Variants in COL19A1 observed in about 807,000 individuals in gnomAD.
COL19A1 encodes collagen alpha-1(XIX) chain.
COL19A1 carries 159 observed loss-of-function variants against 190.2 expected under a neutral mutation model. The ratio of observed to expected loss-of-function variants is 0.84; its 90% CI spans 0.73 to 0.95. The LOEUF is 0.95. COL19A1 is among the 40% of genes least tolerant of loss of function. The probability of loss-of-function intolerance (pLI) is 0.00; values close to 1 mark genes in which losing one functional copy is unlikely to be tolerated. For missense variants in COL19A1, 1,418 were observed against 1,431.9 expected (o/e 0.99, Z 0.16); for synonymous variants, 509 against 458.9 (o/e 1.11, Z -1.39).
intron 36 of COL19A1, among the ~76,000 whole-genome samples, 159 bp downstream of exon 36, chr6:70,163,555 C>T (rs138556198): frequency 1.0e-3 from 153 of 152,126 alleles, no homozygotes; most frequent in African/African-American, 3.6e-3. Flanking sequence ...GAACACAGGT[C>T]CAAAGGTTAT....
intron 37 of COL19A1, among the ~76,000 whole-genome samples, chr6:70,167,408 T>C (rs1015950133): frequency 1.3e-5 from 2 of 152,210 alleles, no homozygotes; most frequent in African/African-American, 4.8e-5. Flanking sequence ...TTTTAAACTA[T>C]AGAATAAGTT....
intron 48 of COL19A1, among the ~76,000 whole-genome samples, chr6:70,195,148 T>TATAC (rs1767119663): frequency 6.8e-6 from 1 of 147,444 alleles, no homozygotes; most frequent in Admixed American, 6.8e-5. Flanking sequence ...TATATATATA[T>TATAC]ATATATATAT....
At chr6:70,098,284 C>T in intron 15 of COL19A1, 2 of 327,274 alleles carry the variant, frequency 6.1e-6, no homozygotes, top group South Asian at 6.0e-5. Context: ...AATACTCCCC[C>T]AAAGTATCCT....
At position 70,212,414 on chromosome 6, in the gene COL19A1, T is replaced by C. The variant is rs1396036183; in HGVS notation, c.*5140T>C. 6.6e-6 allele frequency among the ~76,000 whole-genome samples: 1 copy of C among 152,228 alleles called. No homozygotes were observed. The highest frequency in any genetic ancestry group is 1.9e-4 in the East Asian group (1 of 5,198). ...TTGATTCCTACATGTTCATTATGCA[T>C]AATGAGCTTGTCACCTATCTCAGCA... On this transcript the variant is annotated 3_prime_UTR_variant, in exon 51 of 51. Coordinates refer to ENST00000620364, the MANE Select transcript of COL19A1 (RefSeq NM_001858.6).
Position 70,209,202 on chromosome 6 carries a change from A to T in COL19A1, c.*1928A>T, listed in dbSNP as rs1477492418. ...GCTATGTGTATATCTTGAGCTTTTA[A>T]TTTGTTGAATTTTCTAAACGCTTAC... On this transcript the variant is annotated 3_prime_UTR_variant, in exon 51 of 51. Transcript: ENST00000620364. 1.3e-5 allele frequency: 2 copies of T among 152,582 alleles called. No homozygotes were observed. The highest frequency in any genetic ancestry group is 3.8e-4 in the East Asian group (2 of 5,198). The allele number at this position is 152,582 out of a possible 1,614,324, so 9.5% of individuals were successfully genotyped here.
chr6:69,995,521 GA>G (rs1465954903), intron 11 of COL19A1, among the ~76,000 whole-genome samples: 3 of 140,498 alleles, frequency 2.1e-5, no homozygotes, highest in African/African-American at 9.4e-5. Context: ...AAAACCGTGT[GA>G]TTTTTTTTTT....
At chr6:70,066,446 T>A (rs1235516362) in intron 14 of COL19A1, among the ~76,000 whole-genome samples, 3 of 150,610 alleles carry the variant, frequency 2.0e-5, no homozygotes, top group African/African-American at 7.3e-5. Flanking sequence ...TGGGTCCTGT[T>A]GTGGGGTGGG....
At chr6:70,158,872 A>T (rs1199647106) in intron 34 of COL19A1, among the ~76,000 whole-genome samples, 1 of 151,952 alleles carries the variant, frequency 6.6e-6, no homozygotes, top group East Asian at 1.9e-4. Context: ...TGACTGTCCT[A>T]CTCTTTAATA....
At chr6:70,052,964 A>T (rs1780290137) in intron 14 of COL19A1, among the ~76,000 whole-genome samples, 1 of 152,188 alleles carries the variant, frequency 6.6e-6, no homozygotes, top group African/African-American at 2.4e-5. Context: ...ATCATATATT[A>T]AAGTAACTGG....
chr6:70,163,476 A>G (rs1787946705), intron 36 of COL19A1, 80 bp downstream of exon 36: 2 of 1,346,528 alleles, frequency 1.5e-6, no homozygotes, highest in Admixed American at 2.1e-5. Flanking sequence ...AGAGAGAGCC[A>G]TAAAATCAAG....
intron 14 of COL19A1, among the ~76,000 whole-genome samples, chr6:70,038,792 A>G (rs1779484899): frequency 6.6e-6 from 1 of 152,162 alleles, no homozygotes; most frequent in Admixed American, 6.5e-5. Flanking sequence ...TGGTTGTTGC[A>G]CTACACTGGT....
At chr6:70,031,885 A>C (rs1779094057) in intron 12 of COL19A1, among the ~76,000 whole-genome samples, 2 of 152,130 alleles carry the variant, frequency 1.3e-5, no homozygotes, top group Admixed American at 6.6e-5. Context: ...CTCTTATTAC[A>C]TGAGTTCCTT....
At chr6:69,947,119 C>A (rs1000578277) in intron 9 of COL19A1, among the ~76,000 whole-genome samples, 1 of 151,636 alleles carries the variant, frequency 6.6e-6, no homozygotes, top group Non-Finnish European at 1.5e-5. Context: ...TTCTTTTAGC[C>A]CCAGGGCTTC....
chr6:69,940,695 A>G (rs1029333448), intron 9 of COL19A1, among the ~76,000 whole-genome samples: 2 of 152,182 alleles, frequency 1.3e-5, no homozygotes, highest in Admixed American at 1.3e-4. Context: ...TATAATCTAC[A>G]CAACGAATAA....
intron 15 of COL19A1, among the ~76,000 whole-genome samples, chr6:70,084,277 C>T (rs753058815): frequency 5.3e-5 from 8 of 151,956 alleles, no homozygotes; most frequent in Non-Finnish European, 8.8e-5. Flanking sequence ...TTGACTGGCA[C>T]GAGGATGCTG....
chr6:70,027,400 C>A (rs1225568152), intron 12 of COL19A1, among the ~76,000 whole-genome samples: 1 of 152,110 alleles, frequency 6.6e-6, no homozygotes, highest in Non-Finnish European at 1.5e-5. Flanking sequence ...GCACTCTTGG[C>A]ATTTTGGCAA....
intron 14 of COL19A1, among the ~76,000 whole-genome samples, chr6:70,042,136 T>A (rs990737204): frequency 6.6e-6 from 1 of 152,062 alleles, no homozygotes; most frequent in African/African-American, 2.4e-5. Context: ...CTAGCAGAGA[T>A]GGGGTGGAAA....
At chr6:69,983,170 T>C (rs1284700319) in intron 11 of COL19A1, among the ~76,000 whole-genome samples, 2 of 152,000 alleles carry the variant, frequency 1.3e-5, no homozygotes, top group Admixed American at 1.3e-4. Context: ...TATCTATTTA[T>C]TTAGGTTTCC....
intron 11 of COL19A1, among the ~76,000 whole-genome samples, chr6:70,020,005 A>G (rs1778331148): frequency 6.6e-6 from 1 of 151,992 alleles, no homozygotes; most frequent in South Asian, 2.1e-4. Context: ...TAGAACTCCT[A>G]TTGCTTTTCT....
Sources: allele counts gnomAD v4.1 joint callset (sites outside exome capture counted in the v4.1 genomes callset), GRCh38; gene constraint gnomAD v4.1.1; transcripts MANE v1.5; gene names NCBI Gene and HGNC (gene_info 2026-07-23, HGNC 2026-07-21).